DCAF1: variants seen among roughly 807,000 people sequenced by gnomAD.
The protein encoded by DCAF1 is DDB1 and CUL4 associated factor 1.
A neutral mutation model predicts 128.0 loss-of-function variants in DCAF1; 15 were observed. That is an observed-to-expected ratio of 0.12 (90% confidence interval 0.08 to 0.18). The LOEUF (loss-of-function observed/expected upper bound fraction) is 0.18. Ranked by LOEUF, DCAF1 falls within the 10% of genes least tolerant of loss-of-function variation. DCAF1 has a pLI of 1.00. For synonymous variants in DCAF1, 610 were observed against 603.0 expected, an observed-to-expected ratio of 1.01 and a Z score of -0.17; for missense variants, 988 against 1,649.5, an observed-to-expected ratio of 0.60 and a Z score of 6.95.
intron 6 of DCAF1, among the ~76,000 whole-genome samples, chr3:51,446,687 C>T (rs1701884172): frequency 6.6e-6 from 1 of 151,792 alleles, no homozygotes. Context: ...TGGCCGTGCA[C>T]AGTGGCTCAC....
chr3:51,463,231 T>TA lies in DCAF1; in HGVS notation c.262-5dup. On this transcript the variant is annotated splice_polypyrimidine_tract_variant and splice_region_variant and intron_variant, in intron 5 of 24. Transcript: ENST00000684031. ...TCATCACATATGCATTCACCAGCTG[T>TA]AAAGAAAAAAAAGAAATACTGTTCA... The TA allele has an allele frequency of 2.6e-6, 4 of 1,536,970 alleles. No homozygotes were observed. Among genetic ancestry groups the TA allele is most frequent in the South Asian group, 1.3e-5 (1 of 78,554 alleles).
intron 13 of DCAF1, among the ~76,000 whole-genome samples, chr3:51,425,873 T>G (rs781986394): frequency 6.6e-6 from 1 of 152,052 alleles, no homozygotes; most frequent in Admixed American, 6.6e-5. Context: ...CTATCATCAC[T>G]TTTTAAACAA....
chr3:51,494,152 G>T (rs1175802859), intron 2 of DCAF1, among the ~76,000 whole-genome samples: 1 of 140,528 alleles, frequency 7.1e-6, no homozygotes, highest in Admixed American at 7.5e-5. Flanking sequence ...TCACTCTGTC[G>T]CCCAGAGACT....
chr3:51,414,565 T>G, intron 19 of DCAF1, 59 bp downstream of exon 19: 1 of 1,585,786 alleles, frequency 6.3e-7, no homozygotes, highest in Non-Finnish European at 8.6e-7. Context: ...TAGAACAAAT[T>G]ATTTCTGCAC....
intron 9 of DCAF1, among the ~76,000 whole-genome samples, chr3:51,435,987 A>G (rs1235727590): frequency 2.0e-5 from 3 of 152,242 alleles, no homozygotes; most frequent in African/African-American, 4.8e-5. Flanking sequence ...TGCACATCAC[A>G]AAGTTTGATC....
chr3:51,488,799 T>C (rs1488053284), intron 2 of DCAF1, among the ~76,000 whole-genome samples: 1 of 151,194 alleles, frequency 6.6e-6, no homozygotes, highest in East Asian at 2.0e-4. Flanking sequence ...CAAAACTCCG[T>C]CTACAAAAAA....
Position 51,458,175 on chromosome 3 carries a change from C to A in DCAF1, c.375+4939G>T, listed in dbSNP as rs1190414661. 3.3e-5 allele frequency among the ~76,000 whole-genome samples: 5 copies of A among 152,242 alleles called. No homozygotes were observed. The East Asian group carries it at 9.6e-4, about 29-fold the overall frequency. ...TGCTGTATTCAGGAAACCCATCTCA[C>A]ATGCAGACACACACATAGGCTCAAA... On this transcript the variant is annotated intron_variant, in intron 6 of 24. Transcript: ENST00000684031.
chr3:51,456,481 T>C (rs1270549179), intron 6 of DCAF1, among the ~76,000 whole-genome samples: 1 of 152,208 alleles, frequency 6.6e-6, no homozygotes, highest in Non-Finnish European at 1.5e-5. Context: ...GCTCCACCTC[T>C]GGGGGCAGGG....
At chr3:51,413,446 G>A (rs1330155196) in intron 20 of DCAF1, 60 bp from the exon 21 acceptor site, 3 of 1,557,722 alleles carry the variant, frequency 1.9e-6, no homozygotes, top group African/African-American at 1.4e-5. Flanking sequence ...CTCTTCACAA[G>A]TGCAGAAAAT....
At chr3:51,468,926 C>T (rs1704428246) in intron 4 of DCAF1, among the ~76,000 whole-genome samples, 1 of 152,144 alleles carries the variant, frequency 6.6e-6, no homozygotes, top group African/African-American at 2.4e-5. Context: ...TAATCCTATG[C>T]ATTAACTTAA....
At position 51,466,851 on chromosome 3, in the gene DCAF1, C is replaced by T; in HGVS notation, c.213G>A (p.Leu71=). The T allele has an allele frequency of 6.2e-7, 1 of 1,613,738 alleles. No homozygotes were observed. The highest frequency in any genetic ancestry group is 8.5e-7 in the Non-Finnish European group (1 of 1,179,788). The stretch of plus-strand genomic sequence containing the variant: ...TGAAGAGTATTCTCAGCAAGTGGCC[C>T]AGCATACACTCTGGATCAGCTCGAC... The part of the protein sequence containing the change: ...HPGRADPECM[L]GHLLRILFKN... The change falls in exon 5 of 25, where the codon CTG becomes CTA. Residue 71 remains leucine, a synonymous_variant. Transcript: ENST00000684031.
At chr3:51,442,019 G>T (rs1701405724) in intron 7 of DCAF1, 122 bp from the exon 8 acceptor site, 1 of 1,303,996 alleles carries the variant, frequency 7.7e-7, no homozygotes, top group Non-Finnish European at 1.0e-6. Flanking sequence ...GCCTGTAATA[G>T]CAACAATTTG....
chr3:51,406,577 A>C (rs1177207936), intron 23 of DCAF1, among the ~76,000 whole-genome samples: 1 of 152,120 alleles, frequency 6.6e-6, no homozygotes, highest in Admixed American at 6.5e-5. Flanking sequence ...CATCAATTTC[A>C]TGGTTACCCA....
At chr3:51,435,424 C>T (rs1700720265) in intron 9 of DCAF1, among the ~76,000 whole-genome samples, 1 of 152,202 alleles carries the variant, frequency 6.6e-6, no homozygotes, top group Non-Finnish European at 1.5e-5. Flanking sequence ...ACTCTAATTA[C>T]ATCTGACCTC....
At chr3:51,417,356 T>C (rs1403575284) in intron 17 of DCAF1, among the ~76,000 whole-genome samples, 2 of 151,604 alleles carry the variant, frequency 1.3e-5, no homozygotes, top group African/African-American at 4.9e-5. Flanking sequence ...GAGGTGGAGG[T>C]TGCAGTAGGT....
In DCAF1 at chr3:51,468,202, T is replaced by C. The variant is rs530776382; in HGVS notation, c.188-1326A>G. Among the ~76,000 whole-genome samples the C allele has an allele frequency of 2.0e-5, 3 of 152,344 alleles. No homozygotes were observed. The East Asian group carries it at 5.8e-4, about 29-fold the overall frequency. On this transcript the variant is annotated intron_variant, in intron 4 of 24. Coordinates refer to ENST00000684031, the MANE Select transcript of DCAF1 (RefSeq NM_001387579.1). ...GTTGTTGTGTTCTGAGATGGAGTCTTGTTCTGTCGCCAAGGCTGGAGTACA... is the reference window on the plus strand; with the variant it reads ...GTTGTTGTGTTCTGAGATGGAGTCTCGTTCTGTCGCCAAGGCTGGAGTACA...
At chr3:51,413,913 A>C (rs1698651848) in intron 20 of DCAF1, 37 bp downstream of exon 20, 1 of 1,442,204 alleles carries the variant, frequency 6.9e-7, no homozygotes, top group East Asian at 2.6e-5. Flanking sequence ...GGGGTAGAGC[A>C]AAAGGAAAGA....
intron 20 of DCAF1, among the ~76,000 whole-genome samples, chr3:51,413,732 T>C (rs1698635781): frequency 6.6e-6 from 1 of 152,216 alleles, no homozygotes; most frequent in African/African-American, 2.4e-5. Context: ...CCATACAAGA[T>C]TTCCTTGTTA....
chr3:51,454,213 T>G (rs1422074127), intron 6 of DCAF1, among the ~76,000 whole-genome samples: 5 of 151,980 alleles, frequency 3.3e-5, no homozygotes, highest in Non-Finnish European at 7.4e-5. Context: ...CAGCTAATGA[T>G]TTATTTTTGT....
Sources: gnomAD v4.1 joint callset for allele counts (sites outside exome capture counted in the v4.1 genomes callset) on GRCh38, gnomAD v4.1.1 for gene constraint, MANE v1.5 for transcripts, NCBI Gene and HGNC (gene_info 2026-07-23, HGNC 2026-07-21) for gene names.